Variants in TPTE2 observed in about 807,000 individuals in gnomAD.
TPTE2 encodes phosphatidylinositol 3,4,5-trisphosphate 3-phosphatase TPTE2.
Under a neutral mutation model 78.6 loss-of-function variants are expected in TPTE2, and 53 were observed. The observed-to-expected ratio is 0.67, with a 90% CI of 0.54 to 0.85. The LOEUF is 0.85. Among genes scored for constraint, TPTE2 ranks in the 40% least tolerant of loss-of-function variants. The pLI, the probability that TPTE2 is intolerant of heterozygous loss-of-function variation, is 0.00. For synonymous variants in TPTE2, 175 were observed against 206.2 expected (o/e 0.85, Z 1.30); for missense variants, 461 against 623.0 (o/e 0.74, Z 2.77).
chr13:19,539,920 G>C (rs1007668303), upstream of TPTE2, among the ~76,000 whole-genome samples: 60 of 152,242 alleles, frequency 3.9e-4, no homozygotes, highest in African/African-American at 1.3e-3. Context: ...CAAAGTGGGT[G>C]AATCACCTGA....
At chr13:19,424,911 T>C in intron 19 of TPTE2, 36 bp downstream of exon 22, 1 of 1,238,946 alleles carries the variant, frequency 8.1e-7, no homozygotes, top group East Asian at 2.5e-5. Flanking sequence ...ACATTGAAGA[T>C]TAGGCTGTTT....
At chr13:19,476,590 T>C in intron 4 of TPTE2, among the ~76,000 whole-genome samples, 1 of 152,116 alleles carries the variant, frequency 6.6e-6, no homozygotes, top group Non-Finnish European at 1.5e-5. Flanking sequence ...AAGACATGCA[T>C]GTGGCCAACA....
At chr13:19,429,697 C>T (rs1309503647) in intron 17 of TPTE2, among the ~76,000 whole-genome samples, 2 of 151,738 alleles carry the variant, frequency 1.3e-5, no homozygotes, top group Non-Finnish European at 1.5e-5. Flanking sequence ...GGGGCAGAGT[C>T]GGGAGGGGGT....
chr13:19,426,951 C>T (rs1876144547), intron 17 of TPTE2, among the ~76,000 whole-genome samples: 1 of 152,130 alleles, frequency 6.6e-6, no homozygotes, highest in Non-Finnish European at 1.5e-5. Context: ...GTGATCTGCC[C>T]GCCTGGGCCT....
At chr13:19,543,682 G>T in the TPTE2 span, among the ~76,000 whole-genome samples, 1 of 151,926 alleles carries the variant, frequency 6.6e-6, no homozygotes. Flanking sequence ...ATAAATAATC[G>T]CAACCATCAA....
At chr13:19,429,642 CA>C (rs1593344647) in intron 17 of TPTE2, among the ~76,000 whole-genome samples, 1 of 152,048 alleles carries the variant, frequency 6.6e-6, no homozygotes, top group East Asian at 1.9e-4. Flanking sequence ...AGCCAAGGGT[CA>C]GGCCTGGGTG....
chr13:19,551,730 G>A, the TPTE2 span, among the ~76,000 whole-genome samples: 2 of 151,864 alleles, frequency 1.3e-5, no homozygotes, highest in Non-Finnish European at 2.9e-5. Flanking sequence ...TGATATTTAA[G>A]CTTCTGTTCT....
intron 1 of TPTE2, among the ~76,000 whole-genome samples, chr13:19,534,282 G>A (rs1035861058): frequency 6.6e-6 from 1 of 152,136 alleles, no homozygotes; most frequent in South Asian, 2.1e-4. Flanking sequence ...TTGAAGTATG[G>A]TTTCTACTGA....
intron 17 of TPTE2, among the ~76,000 whole-genome samples, chr13:19,429,167 TGA>T (rs2137466842): frequency 6.6e-6 from 1 of 152,304 alleles, no homozygotes; most frequent in East Asian, 1.9e-4. Context: ...TTTTTCACAA[TGA>T]GAGGAATATT....
chr13:19,439,550 T>G (rs915792031), intron 13 of TPTE2, among the ~76,000 whole-genome samples: 1 of 152,176 alleles, frequency 6.6e-6, no homozygotes, highest in Non-Finnish European at 1.5e-5. Flanking sequence ...TCTGGCACCA[T>G]GAGAAATCTG....
At chr13:19,475,370 C>A (rs531800342) in intron 5 of TPTE2, among the ~76,000 whole-genome samples, 167 of 152,160 alleles carry the variant, frequency 1.1e-3, no homozygotes, top group African/African-American at 3.9e-3. Flanking sequence ...GGATTACAGG[C>A]ACCTGCCATT....
chr13:19,495,392 G>C lies in TPTE2; in HGVS notation c.12-1891C>G, dbSNP rs12874273. 8.6e-3 allele frequency among the ~76,000 whole-genome samples: 1,308 copies of C among 152,232 alleles called. 12 individuals carry two copies. Among genetic ancestry groups the C allele is most frequent in the African/African-American group, 0.03 (1,252 of 41,548 alleles). On this transcript the variant is annotated intron_variant, in intron 1 of 19. Coordinates refer to ENST00000400230, the Ensembl canonical transcript of TPTE2. ...CTCCTTCTCGCTGCAAGCAGGATTC[G>C]CTTCTCCCTTGGTCCACACTACTAG...
At chr13:19,516,129 G>C (rs1869775154) in intron 1 of TPTE2, among the ~76,000 whole-genome samples, 1 of 152,156 alleles carries the variant, frequency 6.6e-6, no homozygotes, top group Non-Finnish European at 1.5e-5. Context: ...AATGCTTTTT[G>C]GTAGATAGGA....
chr13:19,532,998 G>A (rs1870978980), intron 1 of TPTE2, among the ~76,000 whole-genome samples: 2 of 152,200 alleles, frequency 1.3e-5, no homozygotes, highest in Non-Finnish European at 2.9e-5. Flanking sequence ...ATACTCTGAT[G>A]TCTAGTAGAG....
chr13:19,473,385 T>C (rs1238358367), intron 6 of TPTE2, among the ~76,000 whole-genome samples: 1 of 152,096 alleles, frequency 6.6e-6, no homozygotes, highest in Non-Finnish European at 1.5e-5. Flanking sequence ...ACCTAGTGTT[T>C]TATTGTGCTA....
chr13:19,512,163 C>G (rs1869494577), intron 1 of TPTE2, among the ~76,000 whole-genome samples: 1 of 152,212 alleles, frequency 6.6e-6, no homozygotes, highest in Admixed American at 6.5e-5. Context: ...AATCCCTCAT[C>G]TACCCTTTAA....
chr13:19,522,489 A>T (rs115798364), intron 1 of TPTE2, among the ~76,000 whole-genome samples: 3,854 of 152,290 alleles, frequency 0.025, 127 homozygotes, highest in African/African-American at 0.074. Flanking sequence ...AGTACTTAGT[A>T]GAGATGGAAA....
At chr13:19,544,667 AG>A in the TPTE2 span, among the ~76,000 whole-genome samples, 1 of 152,178 alleles carries the variant, frequency 6.6e-6, no homozygotes, top group Non-Finnish European at 1.5e-5. Flanking sequence ...AGGCCAAGGC[AG>A]GTAGACTGCT....
the TPTE2 span, among the ~76,000 whole-genome samples, chr13:19,549,455 A>C: frequency 6.6e-6 from 1 of 152,228 alleles, no homozygotes; most frequent in Non-Finnish European, 1.5e-5. Flanking sequence ...ACAATGAGAT[A>C]CCACTGCACA....
Sources: gnomAD v4.1 joint callset for allele counts (sites outside exome capture counted in the v4.1 genomes callset) on GRCh38, gnomAD v4.1.1 for gene constraint, MANE v1.5 for transcripts, NCBI Gene and HGNC (gene_info 2026-07-23, HGNC 2026-07-21) for gene names.